MACROD2: variants seen among roughly 807,000 people sequenced by gnomAD.
The protein encoded by MACROD2 is mono-ADP ribosylhydrolase 2.
A neutral mutation model predicts 70.4 loss-of-function variants in MACROD2; 36 were observed. The ratio of observed to expected loss-of-function variants is 0.51; its 90% CI spans 0.39 to 0.68. The LOEUF is 0.68. Among genes scored for constraint, MACROD2 ranks in the 30% least tolerant of loss-of-function variants. The probability of loss-of-function intolerance (pLI) is 0.00; values close to 1 mark genes in which losing one functional copy is unlikely to be tolerated. For missense variants in MACROD2, 496 were observed against 538.4 expected, an observed-to-expected ratio of 0.92 and a Z score of 0.78; for synonymous variants, 172 against 178.8, an observed-to-expected ratio of 0.96 and a Z score of 0.30.
intron 4 of MACROD2, among the ~76,000 whole-genome samples, chr20:14,678,952 G>GAAA (rs771805803): frequency 2.8e-5 from 4 of 142,318 alleles, no homozygotes; most frequent in African/African-American, 1.0e-4. Flanking sequence ...AGTATTATCA[G>GAAA]AAAAAAAAAA....
At chr20:15,689,363 A>G (rs1351393973) in intron 8 of MACROD2, among the ~76,000 whole-genome samples, 41 of 152,002 alleles carry the variant, frequency 2.7e-4, no homozygotes, top group Non-Finnish European at 4.4e-5. Context: ...TAGAGTGTGG[A>G]GTCACACAAT....
chr20:14,325,880 C>T (rs1281302896), intron 3 of MACROD2: 2 of 1,613,814 alleles, frequency 1.2e-6, no homozygotes, highest in Non-Finnish European at 1.7e-6. Flanking sequence ...GCAAGAAGGG[C>T]AATGGTAACC....
At chr20:15,971,140 C>T (rs776265853) in intron 13 of MACROD2, among the ~76,000 whole-genome samples, 1 of 152,256 alleles carries the variant, frequency 6.6e-6, no homozygotes, top group Non-Finnish European at 1.5e-5. Context: ...TGAGCAGAGG[C>T]ACTGCTTGTA....
chr20:16,000,569 T>G (rs1422026227), intron 15 of MACROD2, among the ~76,000 whole-genome samples: 1 of 152,230 alleles, frequency 6.6e-6, no homozygotes, highest in East Asian at 1.9e-4. Flanking sequence ...TGGCTCTTTC[T>G]CTCTTAGAAT....
chr20:15,431,323 A>G (rs1159274988), intron 6 of MACROD2, 82 bp from the exon 7 acceptor site: 2 of 1,334,656 alleles, frequency 1.5e-6, no homozygotes, highest in African/African-American at 1.4e-5. Flanking sequence ...CCCATTATCA[A>G]ACAAAATAGA....
intron 8 of MACROD2, among the ~76,000 whole-genome samples, chr20:15,530,140 T>G (rs944308970): frequency 3.3e-5 from 5 of 152,192 alleles, no homozygotes; most frequent in Non-Finnish European, 7.3e-5. Flanking sequence ...TTTTAACCCT[T>G]CTTTGGCCAT....
chr20:14,517,633 C>T (rs2085117069), intron 4 of MACROD2, among the ~76,000 whole-genome samples: 1 of 152,056 alleles, frequency 6.6e-6, no homozygotes, highest in African/African-American at 2.4e-5. Context: ...ATGTGTATAC[C>T]TGTGTAACAA....
chr20:14,683,892 A>G (rs1156516167), intron 4 of MACROD2, among the ~76,000 whole-genome samples: 3 of 152,000 alleles, frequency 2.0e-5, no homozygotes, highest in Non-Finnish European at 4.4e-5. Context: ...GGCCCATTCA[A>G]TAATAACTAA....
chr20:15,692,566 G>A (rs1009176179), intron 8 of MACROD2, among the ~76,000 whole-genome samples: 8 of 152,106 alleles, frequency 5.3e-5, no homozygotes, highest in African/African-American at 1.7e-4. Flanking sequence ...ATTTCTGGGA[G>A]CAATGCTTCC....
intron 12 of MACROD2, among the ~76,000 whole-genome samples, chr20:15,952,861 A>G (rs532052002): frequency 6.6e-6 from 1 of 152,282 alleles, no homozygotes; most frequent in South Asian, 2.1e-4. Flanking sequence ...TGAAGGCTGA[A>G]TAATAGATTT....
chr20:14,462,425 T>A (rs188469727), intron 3 of MACROD2, among the ~76,000 whole-genome samples: 184 of 152,286 alleles, frequency 1.2e-3, no homozygotes, highest in Non-Finnish European at 2.0e-3. Context: ...TTGTAGATTC[T>A]GGATATAAGC....
At chr20:15,922,369 C>T (rs1166735233) in intron 10 of MACROD2, among the ~76,000 whole-genome samples, 1 of 152,188 alleles carries the variant, frequency 6.6e-6, no homozygotes, top group African/African-American at 2.4e-5. Context: ...CCCAATAGAT[C>T]AAAGTAGTAT....
intron 8 of MACROD2, among the ~76,000 whole-genome samples, chr20:15,770,876 G>A (rs996384154): frequency 2.6e-5 from 4 of 152,014 alleles, no homozygotes; most frequent in Admixed American, 6.6e-5. Context: ...AAACACCCAA[G>A]CACACTTAAA....
chr20:15,451,525 C>T (rs2046643551), intron 7 of MACROD2, among the ~76,000 whole-genome samples: 2 of 151,628 alleles, frequency 1.3e-5, no homozygotes, highest in Admixed American at 1.3e-4. Context: ...CCAGTGTGCC[C>T]TGGAGCTGTC....
chr20:15,741,403 TATC>T (rs2051104548), intron 8 of MACROD2, among the ~76,000 whole-genome samples: 1 of 151,938 alleles, frequency 6.6e-6, no homozygotes, highest in Admixed American at 6.6e-5. Flanking sequence ...CTGGCCCAGT[TATC>T]ATATATTACA....
chr20:15,899,325 T>C (rs2065029129), intron 10 of MACROD2, among the ~76,000 whole-genome samples: 2 of 152,108 alleles, frequency 1.3e-5, no homozygotes, highest in South Asian at 4.1e-4. Context: ...CATATATACA[T>C]ATACATGTAT....
chr20:14,538,348 A>G (rs1025456328), intron 4 of MACROD2, among the ~76,000 whole-genome samples: 3 of 152,228 alleles, frequency 2.0e-5, no homozygotes, highest in African/African-American at 7.2e-5. Context: ...CAAAGGCTGG[A>G]GCAATGGAGG....
intron 7 of MACROD2, among the ~76,000 whole-genome samples, chr20:15,468,554 T>C (rs188379127): frequency 7.2e-5 from 11 of 152,348 alleles, no homozygotes; most frequent in Non-Finnish European, 5.9e-5. Context: ...AGAAGCTCAG[T>C]GGCTGTGCAG....
At chr20:14,001,526 A>G (rs1410747364) in intron 1 of MACROD2, among the ~76,000 whole-genome samples, 1 of 152,192 alleles carries the variant, frequency 6.6e-6, no homozygotes, top group East Asian at 1.9e-4. Context: ...TTTTATTTAT[A>G]TAGATACTAT....
Sources: gnomAD v4.1 joint callset for allele counts (sites outside exome capture counted in the v4.1 genomes callset) on GRCh38, gnomAD v4.1.1 for gene constraint, MANE v1.5 for transcripts, NCBI Gene and HGNC (gene_info 2026-07-23, HGNC 2026-07-21) for gene names.